Variants in PCDHA6 observed in about 807,000 individuals in gnomAD.
PCDHA6 encodes protocadherin alpha-6.
PCDHA6 carries 55 observed loss-of-function variants against 60.3 expected under a neutral mutation model. The ratio of observed to expected loss-of-function variants is 0.91; its 90% CI spans 0.73 to 1.14. The LOEUF (loss-of-function observed/expected upper bound fraction) is 1.14. PCDHA6 is among the 50% of genes most tolerant of loss of function. The probability of loss-of-function intolerance (pLI) is 0.00; values close to 1 mark genes in which losing one functional copy is unlikely to be tolerated. For missense variants in PCDHA6, 1,327 were observed against 1,256.5 expected (o/e 1.06, Z -0.85); for synonymous variants, 652 against 557.9 (o/e 1.17, Z -2.38).
chr5:140,828,653 G>A lies in PCDHA6; in HGVS notation c.562G>A (p.Asp188Asn). Residue 188 changes from aspartate to asparagine, a missense_variant, in exon 1 of 4, where the codon GAC becomes AAC. Asp to Asn is a conservative substitution (Grantham distance 23, BLOSUM62 1). Coordinates refer to ENST00000529310, the MANE Select transcript of PCDHA6 (RefSeq NM_018909.4). ...GCTAGATGTGAAAATAAACAGTGAT[G>A]ACAATAAACAAATTGGGCTCTTATT... ...FGLDVKINSD[D>N]NKQIGLLLKK... 5 of 1,614,156 alleles carry A rather than the reference G, an allele frequency of 3.1e-6. No homozygotes were observed. Among genetic ancestry groups the A allele is most frequent in the Non-Finnish European group, 4.2e-6 (5 of 1,180,024 alleles).
chr5:140,890,621 A>G (rs1209531386), intron 1 of PCDHA6, among the ~76,000 whole-genome samples: 1 of 152,174 alleles, frequency 6.6e-6, no homozygotes, highest in Non-Finnish European at 1.5e-5. Context: ...TACCCTAGAA[A>G]ATTAAGCATG....
At chr5:140,936,869 A>C (rs1249048598) in intron 1 of PCDHA6, among the ~76,000 whole-genome samples, 3 of 152,168 alleles carry the variant, frequency 2.0e-5, no homozygotes, top group Non-Finnish European at 4.4e-5. Context: ...TTCTATTTTA[A>C]AAAACCCTGC....
intron 1 of PCDHA6, among the ~76,000 whole-genome samples, chr5:140,846,053 A>T (rs2150384240): frequency 6.7e-6 from 1 of 149,910 alleles, no homozygotes; most frequent in East Asian, 1.9e-4. Context: ...AACACCACCT[A>T]TGTGGGAAAA....
intron 1 of PCDHA6, among the ~76,000 whole-genome samples, chr5:140,892,282 ACTT>A (rs1405766060): frequency 1.3e-5 from 2 of 152,178 alleles, no homozygotes; most frequent in African/African-American, 4.8e-5. Flanking sequence ...TGTATTAAAC[ACTT>A]CTTCCTGGAA....
At chr5:140,850,305 A>T in intron 1 of PCDHA6, 1 of 1,596,974 alleles carries the variant, frequency 6.3e-7, no homozygotes, top group African/African-American at 1.3e-5. Flanking sequence ...CTCGGGCTAC[A>T]ACGCGTGGCT....
intron 1 of PCDHA6, chr5:140,857,623 G>T (rs1554150390): frequency 2.5e-6 from 4 of 1,596,656 alleles, no homozygotes; most frequent in Non-Finnish European, 8.6e-7. Flanking sequence ...TGGACCACGA[G>T]GAGCTGGAGC....
At chr5:140,868,885 TA>T in intron 1 of PCDHA6, 1 of 733,950 alleles carries the variant, frequency 1.4e-6, no homozygotes, top group East Asian at 2.8e-5. Flanking sequence ...CTCACAGTTT[TA>T]GGCGCAAGGT....
rs188762939 is a variant in PCDHA6 at position 140,839,461 on chromosome 5, C to T, written c.2394+8976C>T. Among the ~76,000 whole-genome samples, 181 of 152,038 alleles carry T rather than the reference C, an allele frequency of 1.2e-3. 3 individuals carry two copies. Among genetic ancestry groups the T allele is most frequent in the Middle Eastern group, 3.4e-3 (1 of 294 alleles). On this transcript the variant is annotated intron_variant, in intron 1 of 3. Transcript: ENST00000529310. The stretch of plus-strand genomic sequence containing the variant: ...CTGCAGTGCAGTGGCACAATCTGGG[C>T]TTACTGCAATCTCTGCCTCCTGGGC...
intron 3 of PCDHA6, among the ~76,000 whole-genome samples, chr5:141,000,496 C>T (rs1257530549): frequency 7.4e-6 from 1 of 134,362 alleles, no homozygotes; most frequent in Non-Finnish European, 1.5e-5. Context: ...GGTAAGATCT[C>T]GGCTCACTGC....
chr5:140,835,137 C>T, intron 1 of PCDHA6: 3 of 1,385,246 alleles, frequency 2.2e-6, no homozygotes, highest in South Asian at 2.7e-5. Context: ...GGTGAAATTA[C>T]CAGAAAACGT....
chr5:140,883,557 G>C, intron 1 of PCDHA6: 1 of 1,614,214 alleles, frequency 6.2e-7, no homozygotes, highest in Non-Finnish European at 8.5e-7. Flanking sequence ...GCGCGGGACG[G>C]GGGCTCGCCT....
At chr5:140,909,966 G>C (rs1583724116) in intron 1 of PCDHA6, among the ~76,000 whole-genome samples, 1 of 152,202 alleles carries the variant, frequency 6.6e-6, no homozygotes, top group African/African-American at 2.4e-5. Flanking sequence ...TCTCCATGGG[G>C]AAGGATGGGA....
intron 1 of PCDHA6, chr5:140,841,441 A>G: frequency 1.2e-6 from 2 of 1,612,978 alleles, no homozygotes; most frequent in Non-Finnish European, 1.7e-6. Context: ...AGGAGGCCAA[A>G]CACGGCACCT....
intron 3 of PCDHA6, among the ~76,000 whole-genome samples, chr5:140,999,135 C>T (rs2097848218): frequency 6.6e-6 from 1 of 152,180 alleles, no homozygotes; most frequent in Non-Finnish European, 1.5e-5. Context: ...GAAAATGTCA[C>T]AGCCGGAAGT....
chr5:140,834,611 G>A, intron 1 of PCDHA6: 1 of 1,614,162 alleles, frequency 6.2e-7, no homozygotes, highest in Non-Finnish European at 8.5e-7. Context: ...ATCTTCTGGA[G>A]GTAAATCTGC....
intron 3 of PCDHA6, among the ~76,000 whole-genome samples, chr5:140,999,483 T>G (rs1316785085): frequency 3.3e-5 from 5 of 152,152 alleles, no homozygotes; most frequent in Admixed American, 2.6e-4. Flanking sequence ...CCAACTCAAG[T>G]CTATGTTACC....
At chr5:140,843,511 C>A (rs2150361432) in intron 1 of PCDHA6, 3 of 1,595,670 alleles carry the variant, frequency 1.9e-6, no homozygotes, top group East Asian at 2.2e-5. Context: ...CCACTGAGGG[C>A]GGGTGCCGGG....
intron 1 of PCDHA6, chr5:140,851,388 A>G (rs2042047686): frequency 1.0e-6 from 1 of 974,904 alleles, no homozygotes; most frequent in Admixed American, 6.2e-5. Flanking sequence ...AACCTTCAGT[A>G]TCTATTATTT....
At chr5:140,925,938 T>C (rs1357099773) in intron 1 of PCDHA6, among the ~76,000 whole-genome samples, 1 of 138,492 alleles carries the variant, frequency 7.2e-6, no homozygotes, top group Non-Finnish European at 1.5e-5. Context: ...GTAGAGCCTC[T>C]TGGAGAAGGA....
Sources: allele counts gnomAD v4.1 joint callset (sites outside exome capture counted in the v4.1 genomes callset), GRCh38; gene constraint gnomAD v4.1.1; transcripts MANE v1.5; gene names NCBI Gene and HGNC (gene_info 2026-07-23, HGNC 2026-07-21).